Variants in PATJ observed in about 807,000 individuals in gnomAD.
PATJ encodes the protein PATJ crumbs cell polarity complex component.
PATJ carries 190 observed loss-of-function variants against 224.9 expected under a neutral mutation model. That is an observed-to-expected ratio of 0.84 (90% CI 0.75 to 0.95). The LOEUF is 0.95. Among genes scored for constraint, PATJ ranks in the 40% least tolerant of loss-of-function variants. PATJ has a pLI of 0.00. For missense variants in PATJ, 2,121 were observed against 2,270.3 expected (o/e 0.93, Z 1.34); for synonymous variants, 769 against 820.3 (o/e 0.94, Z 1.07).
intron 29 of PATJ, among the ~76,000 whole-genome samples, chr1:62,022,762 CT>C (rs1316413479): frequency 1.3e-5 from 2 of 152,140 alleles, no homozygotes; most frequent in Non-Finnish European, 2.9e-5. Context: ...AACTGAAATC[CT>C]TGGAAAGATT....
intron 39 of PATJ, among the ~76,000 whole-genome samples, chr1:62,126,972 T>C (rs1388123356): frequency 6.6e-6 from 1 of 152,178 alleles, no homozygotes; most frequent in African/African-American, 2.4e-5. Context: ...CTTCTCATTT[T>C]ATACATAGAG....
At chr1:61,947,752 G>GC (rs1049606252) in intron 27 of PATJ, among the ~76,000 whole-genome samples, 2 of 152,140 alleles carry the variant, frequency 1.3e-5, no homozygotes, top group Admixed American at 1.3e-4. Flanking sequence ...AGCCCGCATT[G>GC]CCAAAACAAT....
chr1:61,915,532 AG>A (rs1378360021), intron 26 of PATJ, among the ~76,000 whole-genome samples: 1 of 152,000 alleles, frequency 6.6e-6, no homozygotes, highest in African/African-American at 2.4e-5. Flanking sequence ...ATTCCACAAA[AG>A]TTTCTTTTGG....
rs1296076617 is a variant in PATJ at position 62,017,953 on chromosome 1, A to T, written c.3959+6A>T. 3 of 1,563,184 alleles carry T rather than the reference A, an allele frequency of 1.9e-6. No individual in the cohort carries two copies. On this transcript the variant is annotated splice_donor_region_variant and intron_variant, in intron 29 of 43. Transcript: ENST00000642238. ...GTCAAGCTGGTTTTCATCAGGTAAG[A>T]TTGCTAGATCTGGTTTTGCAAAATC...
intron 27 of PATJ, among the ~76,000 whole-genome samples, chr1:61,932,814 C>G (rs1571356649): frequency 6.6e-6 from 1 of 152,084 alleles, no homozygotes; most frequent in Non-Finnish European, 1.5e-5. Context: ...GCACAAGTAT[C>G]ACTTGAACCT....
At chr1:61,998,874 C>T (rs79696307) in intron 28 of PATJ, among the ~76,000 whole-genome samples, 3,525 of 152,178 alleles carry the variant, frequency 0.023, 92 homozygotes, top group African/African-American at 0.057. Context: ...TTTAGTCATA[C>T]TTCCTTATGC....
Position 61,766,415 on chromosome 1 carries a change from C to T in PATJ, c.326C>T (p.Pro109Leu), listed in dbSNP as rs151215734. The T allele has an allele frequency of 3.6e-4, 578 of 1,611,762 alleles. 6 individuals are homozygous for T. The East Asian group carries it at 0.011, about 31-fold the overall frequency. The change falls in exon 4 of 44, where the codon CCG (proline) becomes CTG (leucine). Residue 109 changes from proline (P) to leucine (L), a missense_variant. Coordinates refer to ENST00000642238, the MANE Select transcript of PATJ (RefSeq NM_001350145.3). ...AACTCGACTGTATCTGGGTTATTTC[C>T]GTGGACCCCGAAGTTGGGAAATGAA... is the stretch of plus-strand genomic sequence containing the variant. ...SNNSTVSGLF[P>L]WTPKLGNEDF...
intron 17 of PATJ, among the ~76,000 whole-genome samples, chr1:61,847,095 A>G (rs1662091528): frequency 6.6e-6 from 1 of 152,240 alleles, no homozygotes; most frequent in African/African-American, 2.4e-5. Context: ...AATTTTCAAG[A>G]GATGAAACAT....
At chr1:61,928,501 T>A (rs1675554942) in intron 27 of PATJ, among the ~76,000 whole-genome samples, 1 of 152,166 alleles carries the variant, frequency 6.6e-6, no homozygotes, top group Non-Finnish European at 1.5e-5. Flanking sequence ...TTATGGTATG[T>A]GAAACATATG....
Position 62,108,516 on chromosome 1 carries a change from T to C in PATJ, c.4457T>C (p.Leu1486Ser). ...AGACTTTGGGCTGGTGACCAGATAT[T>C]AGAGGTATATGGTTTTGAATTTTAT... is the stretch of plus-strand genomic sequence containing the variant. ...DGRLWAGDQI[L>S]EVNGVDLRNS... The change falls in exon 34 of 44, where the codon TTA (leucine) becomes TCA (serine). Residue 1486 changes from leucine to serine, a missense_variant. Leu to Ser is a moderately radical substitution (Grantham distance 145). Transcript: ENST00000642238. 1 of 1,597,642 alleles carries C rather than the reference T, an allele frequency of 6.3e-7. No homozygotes were observed. Among genetic ancestry groups the C allele is most frequent in the South Asian group, 1.1e-5 (1 of 89,954 alleles).
chr1:61,895,841 A>G (rs1341645764), intron 22 of PATJ, among the ~76,000 whole-genome samples: 1 of 152,122 alleles, frequency 6.6e-6, no homozygotes, highest in Admixed American at 6.5e-5. Flanking sequence ...GCAGCTGGAA[A>G]AGCTGTAGGC....
chr1:61,744,316 ATTATC>A (rs149828276), intron 1 of PATJ, among the ~76,000 whole-genome samples: 13,657 of 147,496 alleles, frequency 0.093, 675 homozygotes, highest in Middle Eastern at 0.12. Flanking sequence ...AGGAAAAAAG[ATTATC>A]TTATCTTATC....
At chr1:61,822,693 A>G (rs1328940973) in intron 14 of PATJ, among the ~76,000 whole-genome samples, 1 of 152,220 alleles carries the variant, frequency 6.6e-6, no homozygotes, top group Non-Finnish European at 1.5e-5. Flanking sequence ...GGAGCTTAGA[A>G]TTGAAGGTAA....
chr1:62,132,828 CGG>C lies in PATJ; in HGVS notation c.5271+3888_5271+3889del, dbSNP rs985257809. Among the ~76,000 whole-genome samples, 14 of 151,848 alleles carry C rather than the reference CGG, an allele frequency of 9.2e-5. 1 individual carries two copies. The East Asian group carries it at 2.7e-3, about 30-fold the overall frequency. ...CTGGGGTGGGAGGATTGCTTGAGCC[CGG>C]GGGGCAGAGGTTGCAGTGAGCCAAG... On this transcript the variant is annotated intron_variant, in intron 41 of 43. Coordinates refer to ENST00000642238, the MANE Select transcript of PATJ (RefSeq NM_001350145.3).
At chr1:61,775,682 C>A (rs1646875189) in intron 7 of PATJ, among the ~76,000 whole-genome samples, 1 of 152,026 alleles carries the variant, frequency 6.6e-6, no homozygotes, top group South Asian at 2.1e-4. Flanking sequence ...ATGTTAAAAT[C>A]AGAAGATACA....
At chr1:62,005,221 C>T (rs1474538588) in intron 28 of PATJ, among the ~76,000 whole-genome samples, 1 of 151,744 alleles carries the variant, frequency 6.6e-6, no homozygotes, top group Admixed American at 6.6e-5. Flanking sequence ...CTGCAGCCTC[C>T]ACCTCCAGAA....
At chr1:62,119,162 G>A (rs918899526) in intron 37 of PATJ, among the ~76,000 whole-genome samples, 11 of 151,862 alleles carry the variant, frequency 7.2e-5, no homozygotes, top group Non-Finnish European at 1.5e-4. Context: ...TTTAAAAACA[G>A]TAAATATATC....
At chr1:61,820,060 G>T (rs746516762) in intron 14 of PATJ, among the ~76,000 whole-genome samples, 1 of 151,668 alleles carries the variant, frequency 6.6e-6, no homozygotes, top group Admixed American at 6.6e-5. Flanking sequence ...TTTATTTTTT[G>T]AGATGGAGTC....
At chr1:62,079,615 G>T in intron 32 of PATJ, 48 bp downstream of exon 32, 1 of 1,222,046 alleles carries the variant, frequency 8.2e-7, no homozygotes, top group South Asian at 1.3e-5. Context: ...CCTTAGAGAA[G>T]GCAAGGGATC....
Sources: gnomAD v4.1 joint callset for allele counts (sites outside exome capture counted in the v4.1 genomes callset) on GRCh38, gnomAD v4.1.1 for gene constraint, MANE v1.5 for transcripts, NCBI Gene and HGNC (gene_info 2026-07-23, HGNC 2026-07-21) for gene names.